The following IMMP2L variants were observed in gnomAD, a reference collection of about 807,000 sequenced individuals.
IMMP2L encodes inner mitochondrial membrane peptidase subunit 2, also known as mitochondrial inner membrane protease subunit 2.
In IMMP2L, 18 loss-of-function variants were observed where a neutral mutation model predicts 19.3. That is an observed-to-expected ratio of 0.93 (90% CI 0.64 to 1.38). IMMP2L has a LOEUF of 1.38. Among genes scored for constraint, IMMP2L ranks in the 40% most tolerant of loss-of-function variants. IMMP2L has a pLI of 0.00. For synonymous variants in IMMP2L, 76 were observed against 73.0 expected (o/e 1.04, Z -0.21); for missense variants, 233 against 218.2 (o/e 1.07, Z -0.43).
chr7:110,733,525 A>C (rs1796415058), intron 5 of IMMP2L, among the ~76,000 whole-genome samples: 2 of 131,116 alleles, frequency 1.5e-5, no homozygotes, highest in Admixed American at 1.6e-4. Flanking sequence ...GAAAAGAGGA[A>C]GGAAGAGAAA....
At chr7:110,667,094 T>C (rs778719745) in intron 5 of IMMP2L, among the ~76,000 whole-genome samples, 1 of 152,152 alleles carries the variant, frequency 6.6e-6, no homozygotes, top group Non-Finnish European at 1.5e-5. Context: ...ATGGTCTCGA[T>C]CTTCTGACCT....
At chr7:110,690,809 A>G (rs879654552) in intron 5 of IMMP2L, among the ~76,000 whole-genome samples, 2 of 152,150 alleles carry the variant, frequency 1.3e-5, no homozygotes, top group African/African-American at 2.4e-5. Context: ...ACACTGCTAA[A>G]AAAAAAATAG....
chr7:110,796,180 T>C (rs1438205878), intron 5 of IMMP2L, among the ~76,000 whole-genome samples: 4 of 152,038 alleles, frequency 2.6e-5, no homozygotes, highest in Admixed American at 1.3e-4. Flanking sequence ...CCAGCCATGC[T>C]AAACTATGAG....
At chr7:111,468,912 G>GAAGAAAA (rs1263618774) in intron 3 of IMMP2L, among the ~76,000 whole-genome samples, 1 of 151,962 alleles carries the variant, frequency 6.6e-6, no homozygotes, top group African/African-American at 2.4e-5. Flanking sequence ...GTAACCAGAA[G>GAAGAAAA]AAGAAAAAAA....
chr7:110,719,621 T>G (rs947040902), intron 5 of IMMP2L, among the ~76,000 whole-genome samples: 6 of 152,218 alleles, frequency 3.9e-5, no homozygotes, highest in African/African-American at 1.4e-4. Flanking sequence ...AATAACAGCT[T>G]TGTGTCTCAA....
chr7:111,085,744 A>C (rs1796261532), intron 3 of IMMP2L, among the ~76,000 whole-genome samples: 1 of 152,234 alleles, frequency 6.6e-6, no homozygotes, highest in Admixed American at 6.5e-5. Context: ...CTAAATGCCC[A>C]TCAGTGATAG....
intron 4 of IMMP2L, among the ~76,000 whole-genome samples, chr7:110,950,858 A>ATATATATATATATATATATATATATATG (rs1554470744): frequency 5.6e-4 from 76 of 136,246 alleles, no homozygotes; most frequent in African/African-American, 2.1e-3. Context: ...ATATATATAT[A>ATATATATATATATATATATATATATATG]TATATATATA....
intron 5 of IMMP2L, among the ~76,000 whole-genome samples, chr7:110,875,969 T>C (rs538003139): frequency 6.6e-6 from 1 of 152,230 alleles, no homozygotes; most frequent in Non-Finnish European, 1.5e-5. Context: ...AGTAACTTCA[T>C]TTAAAGGGGA....
intron 5 of IMMP2L, among the ~76,000 whole-genome samples, chr7:110,694,642 G>GGA (rs983729177): frequency 1.3e-5 from 2 of 151,688 alleles, no homozygotes; most frequent in Non-Finnish European, 2.9e-5. Context: ...AGAAAGAGGA[G>GGA]GAGAGAGAGA....
intron 3 of IMMP2L, among the ~76,000 whole-genome samples, chr7:111,316,195 C>T (rs1468658336): frequency 6.6e-6 from 1 of 152,088 alleles, no homozygotes; most frequent in Non-Finnish European, 1.5e-5. Flanking sequence ...TGCAGTGGCA[C>T]ATGGCTGTAT....
chr7:111,269,512 A>G (rs1818214709), intron 3 of IMMP2L, among the ~76,000 whole-genome samples: 1 of 152,176 alleles, frequency 6.6e-6, no homozygotes, highest in South Asian at 2.1e-4. Flanking sequence ...CACTTTTTTC[A>G]TCTTATAATT....
rs150122778 is a variant in IMMP2L, at chr7:111,103,690, T to C, written c.240-140125A>G. Among the ~76,000 whole-genome samples the C allele has an allele frequency of 1.2e-3, 180 of 151,854 alleles. No individual in the cohort carries two copies. The East Asian group carries it at 0.013, about 11-fold the overall frequency. On this transcript the variant is annotated intron_variant, in intron 3 of 5. Coordinates refer to ENST00000405709, the MANE Select transcript of IMMP2L (RefSeq NM_032549.4). ...TCCGTATGATGACTTCTTAATATGATAGTGATTAACATTTAGTAACCACTC... is the reference window on the plus strand; with the variant it reads ...TCCGTATGATGACTTCTTAATATGACAGTGATTAACATTTAGTAACCACTC...
At chr7:110,675,305 C>T (rs897401457) in intron 5 of IMMP2L, among the ~76,000 whole-genome samples, 2 of 152,090 alleles carry the variant, frequency 1.3e-5, no homozygotes, top group African/African-American at 4.8e-5. Flanking sequence ...ATGGTGCAGG[C>T]CCCAACTTAA....
At chr7:111,556,770 T>C (rs1791413293) in intron 1 of IMMP2L, among the ~76,000 whole-genome samples, 1 of 152,172 alleles carries the variant, frequency 6.6e-6, no homozygotes, top group Admixed American at 6.5e-5. Flanking sequence ...TTCCTCTATG[T>C]ACTTTTATCC....
At chr7:111,019,951 C>T (rs1427605351) in intron 3 of IMMP2L, among the ~76,000 whole-genome samples, 3 of 152,204 alleles carry the variant, frequency 2.0e-5, no homozygotes, top group Admixed American at 2.0e-4. Context: ...TGAAGCATTT[C>T]CGGATCACCA....
intron 3 of IMMP2L, among the ~76,000 whole-genome samples, chr7:111,070,534 G>C (rs535237658): frequency 3.9e-5 from 6 of 152,238 alleles, no homozygotes; most frequent in African/African-American, 1.4e-4. Context: ...AGAAAATAAG[G>C]AAGATTGATA....
chr7:111,142,333 AAAAAAAAAAAGAAAG>A (rs1802997775), intron 3 of IMMP2L, among the ~76,000 whole-genome samples: 1 of 65,990 alleles, frequency 1.5e-5, no homozygotes. Context: ...CTCAAAAAAA[AAAAAAAAAAAGAAAG>A]AAAGAAAGAA....
chr7:110,788,041 T>A (rs534012837), intron 5 of IMMP2L, among the ~76,000 whole-genome samples: 5 of 152,064 alleles, frequency 3.3e-5, no homozygotes, highest in African/African-American at 1.2e-4. Flanking sequence ...TCCCCGATCA[T>A]TATTTACTCC....
chr7:111,051,153 A>G (rs1485402772), intron 3 of IMMP2L, among the ~76,000 whole-genome samples: 2 of 152,186 alleles, frequency 1.3e-5, no homozygotes, highest in Non-Finnish European at 2.9e-5. Context: ...TTAAAAATAA[A>G]CAAACTTTTT....
Sources: gnomAD v4.1 joint callset for allele counts (sites outside exome capture counted in the v4.1 genomes callset) on GRCh38, gnomAD v4.1.1 for gene constraint, MANE v1.5 for transcripts, NCBI Gene and HGNC (gene_info 2026-07-23, HGNC 2026-07-21) for gene names.